STPG2: variants seen among roughly 807,000 people sequenced by gnomAD.
The protein encoded by STPG2 is sperm-tail PG-rich repeat-containing protein 2.
In STPG2, 56 loss-of-function variants were observed where a neutral mutation model predicts 54.2. The observed-to-expected ratio is 1.03, with a 90% CI of 0.83 to 1.29. The LOEUF is 1.29. Ranked by LOEUF, STPG2 falls within the 50% of genes most tolerant of loss-of-function variation. The probability of loss-of-function intolerance (pLI) is 0.00; values close to 1 mark genes in which losing one functional copy is unlikely to be tolerated. For missense variants in STPG2, 596 were observed against 544.9 expected (o/e 1.09, Z -0.93); for synonymous variants, 200 against 181.8 (o/e 1.10, Z -0.81).
intron 10 of STPG2, among the ~76,000 whole-genome samples, chr4:97,697,513 T>C (rs1723615944): frequency 6.6e-6 from 1 of 152,164 alleles, no homozygotes; most frequent in Non-Finnish European, 1.5e-5. Context: ...TTGTTTGTCT[T>C]TGTATAGTCT....
intron 8 of STPG2, among the ~76,000 whole-genome samples, chr4:97,890,710 T>A (rs1427591301): frequency 6.6e-6 from 1 of 151,714 alleles, no homozygotes. Flanking sequence ...CAAAGAAAGG[T>A]AAATGTCTGA....
In STPG2 at chr4:98,143,320, G is replaced by C. The variant is rs1740357631; in HGVS notation, c.-170C>G. On this transcript the variant is annotated 5_prime_UTR_variant, in exon 1 of 11. The change creates a new upstream start codon in the 5' untranslated region. Transcript: ENST00000295268. ...GGGGTTGTCTCCCCGCCCGCTCATT[G>C]ATACCAGATTTCCTCAAATCGATTT... The C allele has an allele frequency of 4.4e-5, 26 of 588,814 alleles. 2 individuals carry two copies. In the South Asian group the frequency reaches 4.9e-4, roughly 11 times the overall value. 36.5% of individuals were successfully genotyped at this position (588,814 alleles called of 1,614,324 possible). A position where few individuals can be genotyped will look rare whatever the true frequency, so the allele number is the denominator to read the frequency against.
chr4:98,077,304 C>A (rs1041196769), intron 5 of STPG2, among the ~76,000 whole-genome samples: 1 of 152,010 alleles, frequency 6.6e-6, no homozygotes, highest in Non-Finnish European at 1.5e-5. Flanking sequence ...AGTGCAGTGG[C>A]ACGATCTCAG....
intron 9 of STPG2, among the ~76,000 whole-genome samples, chr4:97,757,740 T>C (rs895692984): frequency 6.6e-6 from 1 of 152,162 alleles, no homozygotes; most frequent in Admixed American, 6.6e-5. Context: ...TGTTTCTGTA[T>C]GGTGTATGTT....
At chr4:97,792,240 T>C (rs943944151) in intron 9 of STPG2, among the ~76,000 whole-genome samples, 1 of 152,174 alleles carries the variant, frequency 6.6e-6, no homozygotes, top group African/African-American at 2.4e-5. Flanking sequence ...ATCTCAAATT[T>C]AAATTGTCCA....
intron 8 of STPG2, among the ~76,000 whole-genome samples, chr4:97,855,050 A>G (rs777228990): frequency 1.3e-5 from 2 of 151,858 alleles, no homozygotes; most frequent in Non-Finnish European, 2.9e-5. Flanking sequence ...ATGGCTTCCA[A>G]CTCTATTCAT....
chr4:97,493,463 A>G (rs1253019920), intron 4 of STPG2, among the ~76,000 whole-genome samples: 2 of 151,410 alleles, frequency 1.3e-5, no homozygotes, highest in East Asian at 3.9e-4. Context: ...AAGTTACTCA[A>G]GGAGAATATT....
chr4:98,083,759 C>A (rs538785627), intron 5 of STPG2, among the ~76,000 whole-genome samples: 1 of 152,346 alleles, frequency 6.6e-6, no homozygotes, highest in African/African-American at 2.4e-5. Context: ...TCCATAATTT[C>A]TATTACCATC....
chr4:97,591,173 T>C (rs1479198724), intron 10 of STPG2, among the ~76,000 whole-genome samples: 1 of 152,178 alleles, frequency 6.6e-6, no homozygotes, highest in African/African-American at 2.4e-5. Flanking sequence ...AATAACTGTA[T>C]GATGATAAAG....
intron 10 of STPG2, among the ~76,000 whole-genome samples, chr4:97,635,312 G>C (rs1203385101): frequency 6.6e-6 from 1 of 152,194 alleles, no homozygotes; most frequent in African/African-American, 2.4e-5. Flanking sequence ...TCACCACTAG[G>C]CCTGCCCTAA....
intron 5 of STPG2, among the ~76,000 whole-genome samples, chr4:98,097,560 A>G (rs921817978): frequency 6.6e-6 from 1 of 152,134 alleles, no homozygotes; most frequent in East Asian, 1.9e-4. Context: ...CCTCTAAGAC[A>G]TGGAACATGA....
intron 4 of STPG2, among the ~76,000 whole-genome samples, chr4:97,513,843 T>C (rs946252414): frequency 1.3e-5 from 2 of 152,066 alleles, no homozygotes; most frequent in African/African-American, 4.8e-5. Flanking sequence ...GTTTTCATGA[T>C]AAGAAACTAT....
At chr4:97,842,660 T>A (rs1259037144) in intron 8 of STPG2, among the ~76,000 whole-genome samples, 2 of 151,864 alleles carry the variant, frequency 1.3e-5, no homozygotes, top group Non-Finnish European at 2.9e-5. Context: ...TTTAATAACT[T>A]GAAGCAAAGA....
At chr4:97,585,901 A>G (rs1324311518) in intron 10 of STPG2, among the ~76,000 whole-genome samples, 1 of 151,964 alleles carries the variant, frequency 6.6e-6, no homozygotes, top group Non-Finnish European at 1.5e-5. Context: ...AATAAAACCC[A>G]GACAAAATAG....
intron 4 of STPG2, among the ~76,000 whole-genome samples, chr4:97,467,360 T>A (rs968047078): frequency 2.0e-5 from 3 of 151,844 alleles, no homozygotes; most frequent in African/African-American, 7.2e-5. Flanking sequence ...TATATTACCA[T>A]AATCAAATAC....
At chr4:97,583,699 G>T (rs1267884689) in intron 10 of STPG2, among the ~76,000 whole-genome samples, 1 of 151,758 alleles carries the variant, frequency 6.6e-6, no homozygotes, top group Non-Finnish European at 1.5e-5. Flanking sequence ...TCCATGCAAT[G>T]GAAACCAAAG....
chr4:97,511,962 G>A (rs908027647), intron 4 of STPG2, among the ~76,000 whole-genome samples: 13 of 152,096 alleles, frequency 8.5e-5, no homozygotes, highest in African/African-American at 2.9e-4. Context: ...GGTGAGAGAT[G>A]AGGCTGGAGG....
chr4:97,537,717 T>C (rs1019627399), intron 4 of STPG2, among the ~76,000 whole-genome samples: 1 of 152,140 alleles, frequency 6.6e-6, no homozygotes, highest in African/African-American at 2.4e-5. Flanking sequence ...AGCATGCAGC[T>C]TGAGATCTGA....
intron 8 of STPG2, among the ~76,000 whole-genome samples, chr4:97,909,698 AT>A (rs753867803): frequency 1.3e-5 from 2 of 152,242 alleles, no homozygotes; most frequent in East Asian, 3.8e-4. Flanking sequence ...TTAAAAAATC[AT>A]AAGTAACCCA....
Sources: allele counts gnomAD v4.1 joint callset (sites outside exome capture counted in the v4.1 genomes callset), GRCh38; gene constraint gnomAD v4.1.1; transcripts MANE v1.5; gene names NCBI Gene and HGNC (gene_info 2026-07-23, HGNC 2026-07-21).